TUSC3: variants seen among roughly 807,000 people sequenced by gnomAD.
TUSC3 encodes dolichyl-diphosphooligosaccharide--protein glycosyltransferase subunit TUSC3.
In TUSC3, 45 loss-of-function variants were observed where a neutral mutation model predicts 44.8. The observed-to-expected ratio is 1.00, with a 90% confidence interval of 0.79 to 1.29. The LOEUF (loss-of-function observed/expected upper bound fraction) is 1.29, where lower values mean the gene tolerates loss of function less well. Among genes scored for constraint, TUSC3 ranks in the 50% most tolerant of loss-of-function variants. TUSC3 has a pLI of 0.00. For synonymous variants in TUSC3, 212 were observed against 152.9 expected (o/e 1.39, Z -2.85); for missense variants, 519 against 437.9 (o/e 1.19, Z -1.65).
chr8:15,697,148 A>C (rs1809204651), intron 6 of TUSC3, among the ~76,000 whole-genome samples: 1 of 151,676 alleles, frequency 6.6e-6, no homozygotes, highest in Non-Finnish European at 1.5e-5. Flanking sequence ...TTTCTTATTG[A>C]GCTTGTTTGG....
chr8:15,722,771 T>G (rs969539828), intron 6 of TUSC3, among the ~76,000 whole-genome samples: 2 of 152,000 alleles, frequency 1.3e-5, no homozygotes, highest in Non-Finnish European at 2.9e-5. Context: ...CATCTTACAC[T>G]GGTAAGATAT....
At chr8:15,770,392 A>G (rs1013733598), downstream of TUSC3, among the ~76,000 whole-genome samples, 16 of 152,072 alleles carry the variant, frequency 1.1e-4, no homozygotes, top group Non-Finnish European at 2.2e-4. Flanking sequence ...GGAACATCAC[A>G]CACCGAGGCC....
At chr8:15,445,493 C>T (rs972794478) in intron 1 of TUSC3, among the ~76,000 whole-genome samples, 3 of 152,048 alleles carry the variant, frequency 2.0e-5, no homozygotes, top group Non-Finnish European at 2.9e-5. Context: ...TCCCTGGGTA[C>T]TTGAGATTAG....
intron 1 of TUSC3, among the ~76,000 whole-genome samples, chr8:15,606,279 A>G (rs1804524294): frequency 6.6e-6 from 1 of 152,048 alleles, no homozygotes; most frequent in African/African-American, 2.4e-5. Flanking sequence ...CTATAAATGT[A>G]TTTTGTCCTA....
intron 9 of TUSC3, among the ~76,000 whole-genome samples, chr8:15,756,268 CCT>C (rs2129222466): frequency 6.6e-6 from 1 of 152,064 alleles, no homozygotes; most frequent in South Asian, 2.1e-4. Flanking sequence ...GCTCTAGTTA[CCT>C]CTCTCTCTAT....
intron 1 of TUSC3, among the ~76,000 whole-genome samples, chr8:15,551,718 G>T (rs1343579913): frequency 6.6e-6 from 1 of 151,700 alleles, no homozygotes; most frequent in African/African-American, 2.4e-5. Flanking sequence ...ATTACTGCCG[G>T]TCTCTTGTGT....
At chr8:15,716,295 A>G (rs1810056838) in intron 6 of TUSC3, among the ~76,000 whole-genome samples, 1 of 152,076 alleles carries the variant, frequency 6.6e-6, no homozygotes, top group African/African-American at 2.4e-5. Flanking sequence ...AGTTTTGTGA[A>G]TGTTCTTGTT....
the TUSC3 span, among the ~76,000 whole-genome samples, chr8:15,798,404 C>A: frequency 6.6e-6 from 1 of 152,138 alleles, no homozygotes; most frequent in Non-Finnish European, 1.5e-5. Flanking sequence ...CAAACTTATT[C>A]CAGTAGGTGG....
Position 15,659,784 on chromosome 8 carries a change from T to G in TUSC3, c.567+137T>G, listed in dbSNP as rs532991201. On this transcript the variant is annotated intron_variant, in intron 4 of 10. Transcript: ENST00000503731. ...TGCATAGAGAAAACTGTTCGATTAC[T>G]GCAAATGATAAGTTGGACTATTAGC... is the stretch of plus-strand genomic sequence containing the variant. 4.9e-5 allele frequency: 55 copies of G among 1,118,178 alleles called. No individual in the cohort carries two copies. In the African/African-American group the frequency reaches 8.4e-4, roughly 17 times the overall value. The allele number at this position is 1,118,178 out of a possible 1,614,324, so 69.3% of individuals were successfully genotyped here.
chr8:15,622,940 C>A, intron 1 of TUSC3, 140 bp from the exon 2 acceptor site: 1 of 868,058 alleles, frequency 1.2e-6, no homozygotes, highest in Non-Finnish European at 1.7e-6. Flanking sequence ...TTTCTAGGAG[C>A]AGAAATATGG....
At chr8:15,443,918 T>G (rs1800057248) in intron 1 of TUSC3, among the ~76,000 whole-genome samples, 1 of 151,946 alleles carries the variant, frequency 6.6e-6, no homozygotes, top group African/African-American at 2.4e-5. Context: ...AGAGGACAAC[T>G]TCAATTCTGC....
At chr8:15,831,721 A>T in the TUSC3 span, among the ~76,000 whole-genome samples, 2 of 152,178 alleles carry the variant, frequency 1.3e-5, no homozygotes, top group African/African-American at 4.8e-5. Flanking sequence ...CTGAAATAAG[A>T]CAGTCAGACA....
chr8:15,806,638 T>G, the TUSC3 span: 1 of 1,351,306 alleles, frequency 7.4e-7, no homozygotes, highest in Non-Finnish European at 1.1e-6. Context: ...TGTCATGGAC[T>G]TCAGGCTCTG....
intron 6 of TUSC3, among the ~76,000 whole-genome samples, chr8:15,706,982 A>G (rs180783218): frequency 6.6e-6 from 1 of 152,100 alleles, no homozygotes; most frequent in African/African-American, 2.4e-5. Flanking sequence ...GAATCATATT[A>G]TAAGTCATCA....
chr8:15,687,876 T>A (rs1808707420), intron 6 of TUSC3, among the ~76,000 whole-genome samples: 1 of 152,238 alleles, frequency 6.6e-6, no homozygotes. Flanking sequence ...TGCTAACATT[T>A]GTTTGTAATT....
the TUSC3 span, among the ~76,000 whole-genome samples, chr8:15,839,166 T>A: frequency 3.9e-5 from 6 of 152,160 alleles, no homozygotes; most frequent in African/African-American, 1.4e-4. Flanking sequence ...GTTTGTCTGT[T>A]ATTGGTGTAT....
chr8:15,443,175 T>C (rs575949462), intron 1 of TUSC3, among the ~76,000 whole-genome samples: 154 of 152,116 alleles, frequency 1.0e-3, no homozygotes, highest in African/African-American at 3.6e-3. Flanking sequence ...TTCCTTCCTT[T>C]CTTTTTTTTA....
upstream of TUSC3, among the ~76,000 whole-genome samples, chr8:15,537,429 C>T (rs1430206634): frequency 2.0e-5 from 3 of 152,172 alleles, no homozygotes; most frequent in Non-Finnish European, 1.5e-5. Flanking sequence ...ACCCCGACCA[C>T]CTCGGGCACA....
At chr8:15,658,989 C>G (rs1292345339) in intron 3 of TUSC3, among the ~76,000 whole-genome samples, 2 of 152,064 alleles carry the variant, frequency 1.3e-5, no homozygotes, top group Non-Finnish European at 2.9e-5. Flanking sequence ...GTTGGTTTCT[C>G]TTTCATAGTC....
Sources: allele counts gnomAD v4.1 joint callset (sites outside exome capture counted in the v4.1 genomes callset), GRCh38; gene constraint gnomAD v4.1.1; transcripts MANE v1.5; gene names NCBI Gene and HGNC (gene_info 2026-07-23, HGNC 2026-07-21).